AFF2: variants seen among roughly 807,000 people sequenced by gnomAD.
AFF2 encodes ALF transcription elongation factor 2.
Under a neutral mutation model 76.9 loss-of-function variants are expected in AFF2, and 14 were observed. The ratio of observed to expected loss-of-function variants is 0.18; its 90% CI spans 0.12 to 0.28. The LOEUF (loss-of-function observed/expected upper bound fraction) is 0.28, where lower values mean the gene tolerates loss of function less well. Ranked by LOEUF, AFF2 falls within the 10% of genes least tolerant of loss-of-function variation. The pLI is 1.00. For missense variants in AFF2, 868 were observed against 1,001.1 expected (o/e 0.87, Z 1.79); for synonymous variants, 398 against 366.7 (o/e 1.09, Z -0.98).
chrX:148,729,489 C>T (rs1475675615), intron 3 of AFF2, among the ~76,000 whole-genome samples: 1 of 111,756 alleles, frequency 8.9e-6, no homozygotes, highest in Non-Finnish European at 1.9e-5. Context: ...ACGTTATTTT[C>T]TTTTCTGTTT....
At chrX:148,730,426 G>A (rs1557264581) in intron 3 of AFF2, among the ~76,000 whole-genome samples, 2 of 112,070 alleles carry the variant, frequency 1.8e-5, no homozygotes, top group African/African-American at 6.5e-5. Flanking sequence ...ACAGAAATAA[G>A]TTTTGTTATT....
chrX:148,500,950 G>A lies in AFF2; in HGVS notation c.-148G>A. ...CCAGACACCTCCAGCGCCCGCTGCTGCTGCCGATGCGGCCCGGACACTTTT... is the reference window on the plus strand; with the variant it reads ...CCAGACACCTCCAGCGCCCGCTGCTACTGCCGATGCGGCCCGGACACTTTT... On this transcript the variant is annotated 5_prime_UTR_variant, in exon 1 of 21. Coordinates refer to ENST00000370460, the MANE Select transcript of AFF2 (RefSeq NM_002025.4). 1 of 705,695 alleles carries A rather than the reference G, an allele frequency of 1.4e-6. No individual in the cohort carries two copies. Among genetic ancestry groups the A allele is most frequent in the Non-Finnish European group, 2.0e-6 (1 of 502,607 alleles). 58.2% of individuals were successfully genotyped at this position (705,695 alleles called of 1,213,427 possible).
chrX:148,667,238 C>A (rs2054369278), intron 3 of AFF2, among the ~76,000 whole-genome samples: 1 of 112,336 alleles, frequency 8.9e-6, no homozygotes, highest in African/African-American at 3.2e-5. Flanking sequence ...GTGACTGTGC[C>A]TGTTTTGTTT....
chrX:148,628,805 C>T (rs782128094), intron 1 of AFF2, among the ~76,000 whole-genome samples: 1 of 112,149 alleles, frequency 8.9e-6, no homozygotes, highest in African/African-American at 3.2e-5. Context: ...TATTGGAAAG[C>T]TACATTCTGC....
intron 1 of AFF2, among the ~76,000 whole-genome samples, chrX:148,577,776 T>C (rs781928453): frequency 8.9e-6 from 1 of 111,872 alleles, no homozygotes; most frequent in East Asian, 2.8e-4. Flanking sequence ...ACTGATCCTT[T>C]CTCTATGGTG....
intron 1 of AFF2, among the ~76,000 whole-genome samples, chrX:148,642,278 T>A (rs2054097934): frequency 8.9e-6 from 1 of 112,412 alleles, no homozygotes. Context: ...TTTGTTGAGA[T>A]GTGAAAACAG....
intron 1 of AFF2, among the ~76,000 whole-genome samples, chrX:148,540,832 C>G (rs1219621760): frequency 8.9e-6 from 1 of 112,289 alleles, no homozygotes; most frequent in Non-Finnish European, 1.9e-5. Context: ...AATCCTGTTA[C>G]ATCCAGTATA....
At chrX:148,791,056 A>G (rs1040251022) in intron 3 of AFF2, among the ~76,000 whole-genome samples, 3 of 111,614 alleles carry the variant, frequency 2.7e-5, no homozygotes, top group Non-Finnish European at 5.6e-5. Flanking sequence ...CATAAGGAGG[A>G]CCCATTTTAC....
At chrX:148,923,352 G>C (rs1557283440) in intron 9 of AFF2, among the ~76,000 whole-genome samples, 2 of 111,663 alleles carry the variant, frequency 1.8e-5, no homozygotes, top group African/African-American at 6.5e-5. Context: ...TGTAGATTTG[G>C]AGATTAAAAT....
chrX:148,643,164 T>G (rs964776583), intron 1 of AFF2, among the ~76,000 whole-genome samples: 22 of 111,971 alleles, frequency 2.0e-4, no homozygotes, highest in African/African-American at 7.1e-4. Flanking sequence ...AATTGTTACC[T>G]CTGATTGGCA....
At chrX:148,613,591 A>G (rs2053755315) in intron 1 of AFF2, among the ~76,000 whole-genome samples, 1 of 111,274 alleles carries the variant, frequency 9.0e-6, no homozygotes, top group Non-Finnish European at 1.9e-5. Flanking sequence ...GTCTCCATTC[A>G]ATACCAAGGC....
rs185296367 is a variant in AFF2 at position 148,540,795 on chromosome X, G to A, written c.47+39651G>A. Among the ~76,000 whole-genome samples, 12 of 111,813 alleles carry A rather than the reference G, an allele frequency of 1.1e-4. No individual in the cohort carries two copies. The East Asian group carries it at 3.1e-3, about 29-fold the overall frequency. On this transcript the variant is annotated intron_variant, in intron 1 of 20. Coordinates refer to ENST00000370460, the MANE Select transcript of AFF2 (RefSeq NM_002025.4). Reference sequence around the variant, plus strand: ...CATGAGGAGAATGTGCAAAACTCACGCAATGAGATAATTCTGAGGCTTCCA... The same window carrying A: ...CATGAGGAGAATGTGCAAAACTCACACAATGAGATAATTCTGAGGCTTCCA...
chrX:148,790,194 T>A (rs2069874051), intron 3 of AFF2, among the ~76,000 whole-genome samples: 1 of 111,473 alleles, frequency 9.0e-6, no homozygotes, highest in Non-Finnish European at 1.9e-5. Flanking sequence ...GCTGGTCAGG[T>A]TGTGGAGAAA....
intron 3 of AFF2, among the ~76,000 whole-genome samples, chrX:148,668,057 G>A (rs2054377952): frequency 8.8e-6 from 1 of 113,058 alleles, no homozygotes; most frequent in African/African-American, 3.2e-5. Flanking sequence ...GGTAAATACA[G>A]CTATTCCAAA....
At chrX:148,711,954 C>G (rs1161042314) in intron 3 of AFF2, among the ~76,000 whole-genome samples, 1 of 111,711 alleles carries the variant, frequency 9.0e-6, no homozygotes, top group Non-Finnish European at 1.9e-5. Context: ...TCACTCACTC[C>G]CTGCTTCATC....
At chrX:148,778,116 G>T (rs2069691080) in intron 3 of AFF2, among the ~76,000 whole-genome samples, 1 of 111,813 alleles carries the variant, frequency 8.9e-6, no homozygotes, top group Admixed American at 9.5e-5. Flanking sequence ...TAACCATGTG[G>T]TTTTTGTCAT....
rs2072636501 is a variant in AFF2 at position 148,998,630 on chromosome X, C to T, written c.*7298C>T. ...CAGTGTTATATCAGGATTTTTCAAT[C>T]AACTTTAGTTGGAGGCCTGGCAATT... is the stretch of plus-strand genomic sequence containing the variant. On this transcript the variant is annotated 3_prime_UTR_variant, in exon 21 of 21. Transcript: ENST00000370460. 9.0e-6 allele frequency: 1 copy of T among 111,659 alleles called. No individual in the cohort carries two copies. The highest frequency in any genetic ancestry group is 3.3e-5 in the African/African-American group (1 of 30,625). The allele number at this position is 111,659 out of a possible 1,213,427, so 9.2% of individuals were successfully genotyped here. A position where few individuals can be genotyped will look rare whatever the true frequency, so the allele number is the denominator to read the frequency against.
chrX:148,950,910 C>T (rs1368046388), intron 9 of AFF2, among the ~76,000 whole-genome samples: 1 of 111,230 alleles, frequency 9.0e-6, no homozygotes, highest in African/African-American at 3.3e-5. Context: ...GAGACAAACT[C>T]ATTTGATGAT....
At chrX:148,598,741 C>T (rs1466256265) in intron 1 of AFF2, among the ~76,000 whole-genome samples, 2 of 112,414 alleles carry the variant, frequency 1.8e-5, no homozygotes, top group African/African-American at 3.2e-5. Context: ...ATACCTTTGG[C>T]TACCCTGGCT....
Sources: allele counts gnomAD v4.1 joint callset (sites outside exome capture counted in the v4.1 genomes callset), GRCh38; gene constraint gnomAD v4.1.1; transcripts MANE v1.5; gene names NCBI Gene and HGNC (gene_info 2026-07-23, HGNC 2026-07-21).